Variants in SNX14 observed in about 807,000 individuals in gnomAD.
The protein encoded by SNX14 is sorting nexin 14.
In SNX14, 93 loss-of-function variants were observed where a neutral mutation model predicts 133.8. The ratio of observed to expected loss-of-function variants is 0.70; its 90% CI spans 0.59 to 0.83. The LOEUF is 0.83. Among genes scored for constraint, SNX14 ranks in the 40% least tolerant of loss-of-function variants. SNX14 has a pLI of 0.00. For synonymous variants in SNX14, 368 were observed against 365.6 expected, an observed-to-expected ratio of 1.01 and a Z score of -0.07; for missense variants, 945 against 1,094.9, an observed-to-expected ratio of 0.86 and a Z score of 1.93.
chr6:85,567,825 A>C (rs1396999562), intron 4 of SNX14: 1 of 270,870 alleles, frequency 3.7e-6, no homozygotes, highest in East Asian at 1.2e-4. Context: ...TCTACAAAAA[A>C]CAGAACAATA....
chr6:85,557,302 T>C (rs564581039), intron 7 of SNX14, among the ~76,000 whole-genome samples: 1 of 152,320 alleles, frequency 6.6e-6, no homozygotes, highest in South Asian at 2.1e-4. Context: ...AGCTTGATCT[T>C]AGAGCATGAA....
At chr6:85,585,574 A>G (rs1800564087) in intron 1 of SNX14, among the ~76,000 whole-genome samples, 1 of 152,186 alleles carries the variant, frequency 6.6e-6, no homozygotes, top group African/African-American at 2.4e-5. Context: ...AAAAATTAAT[A>G]AAACAACCAA....
chr6:85,546,508 T>C (rs1259994176), intron 12 of SNX14, among the ~76,000 whole-genome samples: 2 of 152,170 alleles, frequency 1.3e-5, no homozygotes, highest in Admixed American at 6.5e-5. Flanking sequence ...AAAAGTGATA[T>C]TGACATGGGC....
chr6:85,509,127 G>T (rs959405325), intron 26 of SNX14, among the ~76,000 whole-genome samples: 2 of 152,142 alleles, frequency 1.3e-5, no homozygotes, highest in African/African-American at 2.4e-5. Flanking sequence ...TAAGAGATGA[G>T]GAGCAGAGGA....
Position 85,543,280 on chromosome 6 carries a change from C to T in SNX14, c.1291G>A (p.Val431Met). The change falls in exon 14 of 29, where the codon GTG becomes ATG. Residue 431 changes from valine to methionine, a missense_variant. This residue lies in a region of SNX14 where 514 missense variants were observed against 538.8 expected (regional missense o/e 0.95). Coordinates refer to ENST00000314673, the MANE Select transcript of SNX14 (RefSeq NM_153816.6). ...AGACATCTCATAGTTTGAAGTTTCA[C>T]AACATCTATGTATGGGCCTTCAGCA... ...RIAEGPYIDV[V>M]KLQTMRCLFE... is the part of the protein sequence containing the mutation. 6.3e-7 allele frequency: 1 copy of T among 1,592,652 alleles called. No homozygotes were observed. The highest frequency in any genetic ancestry group is 1.8e-5 in the Admixed American group (1 of 55,092).
rs1349029562 is a variant in SNX14 at position 85,572,190 on chromosome 6, G to A, written c.364C>T (p.Gln122Ter). The change falls in exon 4 of 29, where the codon CAG becomes TAG. Residue 122 changes from glutamine to a stop codon, truncating the protein, a stop_gained. Transcript: ENST00000314673. LOFTEE classifies it high-confidence loss of function. ...HRPSLLLENY[Q>*]PWLDLKISSK... ...GAAATTTTCAGGTCTAGCCATGGCT[G>A]GTAGTTTTCAAGTAGCAAAGAAGGC... The A allele has an allele frequency of 6.2e-7, 1 of 1,613,782 alleles. No individual in the cohort carries two copies. Among genetic ancestry groups the A allele is most frequent in the Non-Finnish European group, 8.5e-7 (1 of 1,179,888 alleles).
rs1785960693 is a variant in SNX14, at chr6:85,547,244, A to ATT, written c.994-20_994-19dup. 1 of 1,612,536 alleles carries ATT rather than the reference A, an allele frequency of 6.2e-7. No homozygotes were observed. The highest frequency in any genetic ancestry group is 1.3e-5 in the African/African-American group (1 of 74,834). ...TTCAGCACCTTGATATAAGAGAAAG[A>ATT]TTAAGTTTAAGCTATATAAATGAGT... On this transcript the variant is annotated intron_variant, in intron 11 of 28. Transcript: ENST00000314673.
At chr6:85,584,246 A>G (rs1198242787) in intron 1 of SNX14, among the ~76,000 whole-genome samples, 1 of 152,240 alleles carries the variant, frequency 6.6e-6, no homozygotes, top group Non-Finnish European at 1.5e-5. Context: ...ACAAAAATCA[A>G]ATAAAGATGG....
At chr6:85,552,665 A>G (rs1788235346) in intron 7 of SNX14, among the ~76,000 whole-genome samples, 1 of 152,220 alleles carries the variant, frequency 6.6e-6, no homozygotes, top group African/African-American at 2.4e-5. Flanking sequence ...AGATAAAATT[A>G]TAACATATAT....
Position 85,547,553 on chromosome 6 carries a change from A to G in SNX14, c.868-3T>C, listed in dbSNP as rs987022457. On this transcript the variant is annotated splice_polypyrimidine_tract_variant and splice_region_variant and intron_variant, in intron 9 of 28. Transcript: ENST00000314673. The stretch of plus-strand genomic sequence containing the variant: ...ATAAGCAAATGATTCACAGTATCCT[A>G]GTGGAAAATAATAAACATAAGTCAA... 6.3e-7 allele frequency: 1 copy of G among 1,594,086 alleles called. No homozygotes were observed. Among genetic ancestry groups the G allele is most frequent in the African/African-American group, 1.4e-5 (1 of 73,930 alleles).
intron 1 of SNX14, among the ~76,000 whole-genome samples, chr6:85,586,662 C>A (rs151134514): frequency 6.6e-6 from 1 of 152,082 alleles, no homozygotes; most frequent in Non-Finnish European, 1.5e-5. Context: ...TTCACTGTAG[C>A]CTTGAACTCT....
chr6:85,566,028 T>C (rs1283362819), intron 5 of SNX14, among the ~76,000 whole-genome samples: 1 of 152,214 alleles, frequency 6.6e-6, no homozygotes, highest in Non-Finnish European at 1.5e-5. Flanking sequence ...AAAGACGGTG[T>C]TGTTAACTTT....
rs1466807693 is a variant in SNX14, at chr6:85,572,028, T to G, written c.417+109A>C. On this transcript the variant is annotated intron_variant, in intron 4 of 28. Coordinates refer to ENST00000314673, the MANE Select transcript of SNX14 (RefSeq NM_153816.6). ...TCAACTGCCTCAGAACTGATTTAAG[T>G]GACATGTATTAAGATGCTCCATGAT... is the stretch of plus-strand genomic sequence containing the variant. 7 of 815,056 alleles carry G rather than the reference T, an allele frequency of 8.6e-6. No individual in the cohort carries two copies. The African/African-American group carries it at 1.2e-4, about 14-fold the overall frequency. The allele number at this position is 815,056 out of a possible 1,614,324, so 50.5% of individuals were successfully genotyped here. A position where few individuals can be genotyped will look rare whatever the true frequency, so the allele number is the denominator to read the frequency against.
At chr6:85,578,997 G>C (rs981818237) in intron 1 of SNX14, among the ~76,000 whole-genome samples, 1 of 152,068 alleles carries the variant, frequency 6.6e-6, no homozygotes, top group Admixed American at 6.6e-5. Context: ...AATTAGCCGG[G>C]CATGGTGGTG....
chr6:85,569,679 G>T (rs1284808968), intron 4 of SNX14, among the ~76,000 whole-genome samples: 2 of 152,078 alleles, frequency 1.3e-5, no homozygotes, highest in African/African-American at 4.8e-5. Context: ...TTTTTATTGA[G>T]TTCTGTAATC....
chr6:85,538,968 A>G, intron 15 of SNX14, 104 bp from the exon 16 acceptor site: 4 of 973,662 alleles, frequency 4.1e-6, no homozygotes, highest in South Asian at 3.6e-5. Context: ...TAAAAGCTTC[A>G]GAAGTTACAC....
chr6:85,548,245 T>C (rs1473986016), intron 9 of SNX14, 56 bp downstream of exon 9: 1 of 1,278,958 alleles, frequency 7.8e-7, no homozygotes, highest in Non-Finnish European at 1.1e-6. Context: ...TTTAAGATAC[T>C]AAATGTTATA....
rs376342644 is a variant in SNX14, at chr6:85,543,736, C to T, written c.1133G>A (p.Arg378Gln). The T allele has an allele frequency of 6.3e-5, 97 of 1,549,704 alleles. No individual in the cohort carries two copies. In the South Asian group the frequency reaches 1.1e-3, roughly 18 times the overall value. The change falls in exon 13 of 29, where the codon CGA (arginine) becomes CAA (glutamine). Residue 378 changes from arginine to glutamine, a missense_variant. By Grantham distance (43) the Arg-to-Gln change is conservative (BLOSUM62 1). Around this residue, in one of 3 missense-constraint regions of SNX14, gnomAD observed 514 missense variants for 538.8 expected, o/e 0.95. Coordinates refer to ENST00000314673, the MANE Select transcript of SNX14 (RefSeq NM_153816.6). ...TVEEFNDRIL[R>Q]PELSNDEMLS... ...CATTTCATCATTTGATAATTCTGGT[C>T]GTAAAATTCTATCATTAAATTCCTC...
In SNX14 at chr6:85,567,543, G is replaced by A. The variant is rs1178441283; in HGVS notation, c.452C>T (p.Pro151Leu). 3 of 1,500,278 alleles carry A rather than the reference G, an allele frequency of 2.0e-6. No individual in the cohort carries two copies. Among genetic ancestry groups the A allele is most frequent in the South Asian group, 1.4e-5 (1 of 73,896 alleles). The allele number at this position is 1,500,278 out of a possible 1,614,324, so 92.9% of individuals were successfully genotyped here. ...TATAGAAAGAACATACCTGTACCAC[G>A]GATAAACAAAGTTTTCCAACACTAA... ...LELVLENFVY[P>L]WYRDVTDDES... The change falls in exon 5 of 29, where the codon CCG becomes CTG. Residue 151 changes from proline (P) to leucine (L), a missense_variant. Coordinates refer to ENST00000314673, the MANE Select transcript of SNX14 (RefSeq NM_153816.6).
Sources: allele counts gnomAD v4.1 joint callset (sites outside exome capture counted in the v4.1 genomes callset), GRCh38; gene constraint gnomAD v4.1.1; regional missense constraint gnomAD v4.1.1; transcripts MANE v1.5; gene names NCBI Gene and HGNC (gene_info 2026-07-23, HGNC 2026-07-21).